MB21D2: variants seen among roughly 807,000 people sequenced by gnomAD.
MB21D2 encodes the protein nucleotidyltransferase MB21D2.
In MB21D2, 9 loss-of-function variants were observed where a neutral mutation model predicts 33.3. That is an observed-to-expected ratio of 0.27 (90% confidence interval 0.16 to 0.47). The LOEUF is 0.47. Among genes scored for constraint, MB21D2 ranks in the 20% least tolerant of loss-of-function variants. MB21D2 has a pLI of 0.99. For synonymous variants in MB21D2, 241 were observed against 236.3 expected, an observed-to-expected ratio of 1.02 and a Z score of -0.18; for missense variants, 540 against 624.6, an observed-to-expected ratio of 0.86 and a Z score of 1.44.
chr3:192,853,215 A>G (rs1162298942), intron 1 of MB21D2, among the ~76,000 whole-genome samples: 9 of 151,494 alleles, frequency 5.9e-5, no homozygotes, highest in Non-Finnish European at 5.9e-5. Flanking sequence ...CAACCACATC[A>G]CCCCTCGAAG....
intron 1 of MB21D2, among the ~76,000 whole-genome samples, chr3:192,858,330 C>A (rs1560241202): frequency 6.6e-6 from 1 of 152,162 alleles, no homozygotes; most frequent in Non-Finnish European, 1.5e-5. Context: ...ATGGGGCTCC[C>A]AACCCCATGT....
chr3:192,913,845 G>A (rs1318019382), intron 1 of MB21D2, among the ~76,000 whole-genome samples: 1 of 151,972 alleles, frequency 6.6e-6, no homozygotes, highest in South Asian at 2.1e-4. Context: ...AAAAGAGAGA[G>A]AAAATACTAA....
chr3:192,899,699 G>A (rs905107288), intron 1 of MB21D2, among the ~76,000 whole-genome samples: 2 of 152,072 alleles, frequency 1.3e-5, no homozygotes, highest in African/African-American at 2.4e-5. Context: ...CTATGGTGAC[G>A]GAATGGAGAG....
In MB21D2 at chr3:192,900,668, C is replaced by T. The variant is rs372880680; in HGVS notation, c.211+16962G>A. Among the ~76,000 whole-genome samples the T allele has an allele frequency of 2.0e-5, 3 of 152,046 alleles. No homozygotes were observed. In the East Asian group the frequency reaches 5.8e-4, roughly 29 times the overall value. ...TAGAAGACTTGTTGCACAGGCCGGG[C>T]GCGGTGGCTCACGCCTGTAATCCCA... On this transcript the variant is annotated intron_variant, in intron 1 of 1. Coordinates refer to ENST00000392452, the MANE Select transcript of MB21D2 (RefSeq NM_178496.4).
intron 1 of MB21D2, among the ~76,000 whole-genome samples, chr3:192,825,112 G>C (rs1056682146): frequency 3.3e-5 from 5 of 152,150 alleles, no homozygotes; most frequent in African/African-American, 1.2e-4. Context: ...GCCAGCTCTC[G>C]AGAATCGAGG....
At chr3:192,909,282 AT>A (rs1485902008) in intron 1 of MB21D2, among the ~76,000 whole-genome samples, 2 of 151,848 alleles carry the variant, frequency 1.3e-5, no homozygotes, top group African/African-American at 4.8e-5. Context: ...AAATAAAAAA[AT>A]AATAATAAAT....
intron 1 of MB21D2, among the ~76,000 whole-genome samples, chr3:192,904,296 C>A (rs1378332283): frequency 6.6e-6 from 1 of 152,178 alleles, no homozygotes; most frequent in African/African-American, 2.4e-5. Flanking sequence ...AACTGCCACC[C>A]TTCTCTGGGT....
chr3:192,837,116 G>T (rs1466107265), intron 1 of MB21D2, among the ~76,000 whole-genome samples: 2 of 152,104 alleles, frequency 1.3e-5, no homozygotes, highest in African/African-American at 4.8e-5. Context: ...AATATGCCCT[G>T]TTTGAGTCCA....
chr3:192,907,439 C>T (rs1184087250), intron 1 of MB21D2, among the ~76,000 whole-genome samples: 3 of 152,130 alleles, frequency 2.0e-5, no homozygotes, highest in African/African-American at 7.2e-5. Context: ...AGAAAGATGG[C>T]TAAGAGTAGA....
intron 1 of MB21D2, among the ~76,000 whole-genome samples, chr3:192,883,295 T>C (rs190746365): frequency 1.3e-5 from 2 of 152,272 alleles, no homozygotes; most frequent in Admixed American, 6.5e-5. Flanking sequence ...ACGAGTTAAA[T>C]ACATCTTTGC....
intron 1 of MB21D2, among the ~76,000 whole-genome samples, chr3:192,882,936 T>G (rs1713638104): frequency 6.6e-6 from 1 of 152,070 alleles, no homozygotes; most frequent in Admixed American, 6.5e-5. Flanking sequence ...CTTTGCCATG[T>G]TGGCCAGGCT....
intron 1 of MB21D2, among the ~76,000 whole-genome samples, chr3:192,831,031 G>A (rs550795359): frequency 5.4e-4 from 83 of 152,320 alleles, no homozygotes; most frequent in Non-Finnish European, 1.1e-3. Context: ...ATACCCTTGC[G>A]TAGTCCCCTC....
chr3:192,916,098 T>TTATATATATATATATATATATA (rs55749042), intron 1 of MB21D2, among the ~76,000 whole-genome samples: 55 of 139,140 alleles, frequency 4.0e-4, no homozygotes, highest in African/African-American at 1.6e-3. Context: ...CTACCAGGTT[T>TTATATATATATATATATATATA]TATATATATA....
At chr3:192,882,490 C>T (rs1259932169) in intron 1 of MB21D2, among the ~76,000 whole-genome samples, 1 of 152,124 alleles carries the variant, frequency 6.6e-6, no homozygotes, top group Non-Finnish European at 1.5e-5. Context: ...AAAAGGAAGG[C>T]AGCATGTCCT....
chr3:192,817,989 G>A (rs1376333331), intron 1 of MB21D2, among the ~76,000 whole-genome samples: 1 of 146,306 alleles, frequency 6.8e-6, no homozygotes, highest in Admixed American at 7.2e-5. Context: ...CCCCAAATAT[G>A]TCCAGTGTTT....
intron 1 of MB21D2, among the ~76,000 whole-genome samples, chr3:192,893,353 C>T (rs1713896028): frequency 6.6e-6 from 1 of 152,084 alleles, no homozygotes. Flanking sequence ...TCTAACCCAT[C>T]ATTTCAAAAG....
intron 1 of MB21D2, among the ~76,000 whole-genome samples, chr3:192,838,720 G>A (rs1187628358): frequency 2.6e-5 from 4 of 152,118 alleles, no homozygotes; most frequent in Admixed American, 6.5e-5. Flanking sequence ...GAGCCACCAC[G>A]CCTGGCCTTG....
intron 1 of MB21D2, among the ~76,000 whole-genome samples, chr3:192,818,705 G>C (rs1711979713): frequency 6.6e-6 from 1 of 151,590 alleles, no homozygotes; most frequent in Non-Finnish European, 1.5e-5. Context: ...TTAATGTCCT[G>C]GTTACAAAGT....
intron 1 of MB21D2, among the ~76,000 whole-genome samples, chr3:192,826,587 A>G (rs1230777397): frequency 6.6e-6 from 1 of 152,254 alleles, no homozygotes; most frequent in African/African-American, 2.4e-5. Context: ...GGAAAAATAA[A>G]TTAAGTTTTA....
Sources: allele counts gnomAD v4.1 joint callset (sites outside exome capture counted in the v4.1 genomes callset), GRCh38; gene constraint gnomAD v4.1.1; transcripts MANE v1.5; gene names NCBI Gene and HGNC (gene_info 2026-07-23, HGNC 2026-07-21).